The following TNFRSF11B variants were observed in gnomAD, a reference collection of about 807,000 sequenced individuals.
TNFRSF11B encodes tumor necrosis factor receptor superfamily member 11B.
Under a neutral mutation model 43.4 loss-of-function variants are expected in TNFRSF11B, and 16 were observed. The observed-to-expected ratio is 0.37, with a 90% CI of 0.25 to 0.56. TNFRSF11B has a LOEUF of 0.56. Among genes scored for constraint, TNFRSF11B ranks in the 20% least tolerant of loss-of-function variants. The pLI is 0.80. For synonymous variants in TNFRSF11B, 185 were observed against 181.8 expected, an observed-to-expected ratio of 1.02 and a Z score of -0.14; for missense variants, 444 against 490.1, an observed-to-expected ratio of 0.91 and a Z score of 0.89.
At chr8:118,934,652 G>A (rs867624392) in intron 1 of TNFRSF11B, among the ~76,000 whole-genome samples, 4 of 152,172 alleles carry the variant, frequency 2.6e-5, no homozygotes, top group Non-Finnish European at 4.4e-5. Context: ...GGAATCACAC[G>A]CTCAGAAGAA....
intron 1 of TNFRSF11B, among the ~76,000 whole-genome samples, chr8:118,940,406 C>T (rs1812471025): frequency 6.6e-6 from 1 of 152,172 alleles, no homozygotes; most frequent in Non-Finnish European, 1.5e-5. Flanking sequence ...TTAACAAAAG[C>T]ACTTTCAGCT....
At chr8:118,940,879 C>T (rs1214935883) in intron 1 of TNFRSF11B, among the ~76,000 whole-genome samples, 2 of 152,122 alleles carry the variant, frequency 1.3e-5, no homozygotes, top group Non-Finnish European at 2.9e-5. Context: ...GAAAGCTCAG[C>T]CAGAAAATAA....
Position 118,924,777 on chromosome 8 carries a change from A to C in TNFRSF11B, c.818-15T>G, listed in dbSNP as rs770628105. On this transcript the variant is annotated splice_polypyrimidine_tract_variant and intron_variant, in intron 4 of 4. Transcript: ENST00000297350. ...GAGGTCAATATCTGCATAAAGCAAAAGCCCAGATAAGTGTTCACATCATTT... is the reference window on the plus strand; with the variant it reads ...GAGGTCAATATCTGCATAAAGCAAACGCCCAGATAAGTGTTCACATCATTT... 2 of 1,613,996 alleles carry C rather than the reference A, an allele frequency of 1.2e-6. No individual in the cohort carries two copies. The highest frequency in any genetic ancestry group is 2.2e-5 in the South Asian group (2 of 91,076).
chr8:118,926,587 G>C lies in TNFRSF11B; in HGVS notation c.724C>G (p.Arg242Gly). The C allele has an allele frequency of 6.2e-7, 1 of 1,614,072 alleles. No homozygotes were observed. Among genetic ancestry groups the C allele is most frequent in the Non-Finnish European group, 8.5e-7 (1 of 1,180,004 alleles). Residue 242 changes from arginine (R) to glycine (G), a missense_variant, in exon 4 of 5, where the codon CGG (arginine) becomes GGG (glycine). Arg to Gly is a moderately radical substitution (Grantham distance 125). Transcript: ENST00000297350. ...VNAESVERIKRQHSSQEQTFQ... is the reference protein window; with the variant it reads ...VNAESVERIKGQHSSQEQTFQ... ...GTCTGTTCTTGTGAGCTGTGTTGCC[G>C]TTTTATCCTCTCTACACTCTCTGCG... is the stretch of plus-strand genomic sequence containing the variant.
chr8:118,924,362 G>T lies in TNFRSF11B; in HGVS notation c.*12C>A. On this transcript the variant is annotated 3_prime_UTR_variant, in exon 5 of 5. Coordinates refer to ENST00000297350, the MANE Select transcript of TNFRSF11B (RefSeq NM_002546.4). ...GCCAATTGTGAGGAAACAGCTCAATGGCCATTTCCAGTTATAAGCAGCTTA... is the reference window on the plus strand; with the variant it reads ...GCCAATTGTGAGGAAACAGCTCAATTGCCATTTCCAGTTATAAGCAGCTTA... The T allele has an allele frequency of 6.2e-7, 1 of 1,613,638 alleles. No individual in the cohort carries two copies.
intron 2 of TNFRSF11B, chr8:118,930,816 C>G (rs1290569552): frequency 2.4e-6 from 1 of 421,624 alleles, no homozygotes; most frequent in Non-Finnish European, 4.8e-6. Flanking sequence ...GGTAAGTTAG[C>G]TTTTAAAGTT....
chr8:118,943,944 G>A (rs562275886), intron 1 of TNFRSF11B, among the ~76,000 whole-genome samples: 3 of 152,176 alleles, frequency 2.0e-5, no homozygotes, highest in South Asian at 2.1e-4. Context: ...TTGAATTTTC[G>A]AAGTTTCAGC....
chr8:118,932,213 G>A (rs932024942), intron 2 of TNFRSF11B, among the ~76,000 whole-genome samples: 30 of 152,282 alleles, frequency 2.0e-4, no homozygotes, highest in African/African-American at 3.4e-4. Context: ...AGAAAAAAAC[G>A]TGGGTTACTG....
rs971513835 is a variant in TNFRSF11B at position 118,929,221 on chromosome 8, T to C, written c.401-292A>G. The C allele has an allele frequency of 2.0e-5, 9 of 458,090 alleles. No homozygotes were observed. The Admixed American group carries it at 2.5e-4, about 13-fold the overall frequency. 28.4% of individuals were successfully genotyped at this position (458,090 alleles called of 1,614,324 possible). On this transcript the variant is annotated intron_variant, in intron 2 of 4. Transcript: ENST00000297350. ...GAAAGAAGGGTAGGGTGTTCATTAGTCCAGCCTCCGCTGAGTGGCAGTAAG... is the reference window on the plus strand; with the variant it reads ...GAAAGAAGGGTAGGGTGTTCATTAGCCCAGCCTCCGCTGAGTGGCAGTAAG...
intron 1 of TNFRSF11B, among the ~76,000 whole-genome samples, chr8:118,935,590 TATAA>T (rs1812393974): frequency 5.3e-5 from 8 of 152,300 alleles, no homozygotes; most frequent in South Asian, 2.1e-4. Flanking sequence ...TTAATTCTCC[TATAA>T]TATATATAGG....
intron 1 of TNFRSF11B, among the ~76,000 whole-genome samples, chr8:118,940,260 C>A (rs1812466227): frequency 6.6e-6 from 1 of 152,144 alleles, no homozygotes; most frequent in Non-Finnish European, 1.5e-5. Context: ...AGCAAACCAA[C>A]ATGGCGCATG....
At chr8:118,951,038 C>A (rs528854231) in intron 1 of TNFRSF11B, among the ~76,000 whole-genome samples, 1 of 152,198 alleles carries the variant, frequency 6.6e-6, no homozygotes, top group Admixed American at 6.5e-5. Flanking sequence ...TTAACTTGAT[C>A]AAAACCTAAG....
In TNFRSF11B at chr8:118,926,570, TTGTGAGCTG is replaced by T; in HGVS notation, c.732_740del (p.His244_Ser246del). 3 of 1,614,152 alleles carry T rather than the reference TTGTGAGCTG, an allele frequency of 1.9e-6. No homozygotes were observed. Among genetic ancestry groups the T allele is most frequent in the Non-Finnish European group, 2.5e-6 (3 of 1,180,016 alleles). ...ACTTCAGCAGCTGGAAAGTCTGTTCTTGTGAGCTGTGTTGCCGTTTTATCCTCTCTACAC... is the reference window on the plus strand; with the variant it reads ...ACTTCAGCAGCTGGAAAGTCTGTTCTTGTTGCCGTTTTATCCTCTCTACAC... On this transcript the variant is annotated inframe_deletion, in exon 4 of 5. Coordinates refer to ENST00000297350, the MANE Select transcript of TNFRSF11B (RefSeq NM_002546.4).
chr8:118,937,419 C>T (rs1037158634), intron 1 of TNFRSF11B, among the ~76,000 whole-genome samples: 3 of 152,204 alleles, frequency 2.0e-5, no homozygotes, highest in African/African-American at 7.2e-5. Flanking sequence ...TCCATTCCCT[C>T]TGTAAAATCA....
rs1443116532 is a variant in TNFRSF11B at position 118,945,903 on chromosome 8, G to C, written c.30+5889C>G. On this transcript the variant is annotated intron_variant, in intron 1 of 4. Transcript: ENST00000297350. ...GGTGATTATTGAAGAGGCTATTATAGAAAAGGTCCAGTCTGAATTGGAGTA... is the reference window on the plus strand; with the variant it reads ...GGTGATTATTGAAGAGGCTATTATACAAAAGGTCCAGTCTGAATTGGAGTA... Among the ~76,000 whole-genome samples the C allele has an allele frequency of 3.3e-5, 5 of 152,176 alleles. No homozygotes were observed. In the East Asian group the frequency reaches 9.7e-4, roughly 29 times the overall value.
Position 118,951,864 on chromosome 8 carries a change from G to C in TNFRSF11B, c.-43C>G. The stretch of plus-strand genomic sequence containing the variant: ...TCAGGGGCTTGGAGGCGGCGGCTGG[G>C]CGAGCGCTCCGGTGCGTCTCCGCAG... On this transcript the variant is annotated 5_prime_UTR_variant, in exon 1 of 5. Coordinates refer to ENST00000297350, the MANE Select transcript of TNFRSF11B (RefSeq NM_002546.4). 1.3e-6 allele frequency: 2 copies of C among 1,558,934 alleles called. No homozygotes were observed. Among genetic ancestry groups the C allele is most frequent in the Non-Finnish European group, 1.7e-6 (2 of 1,148,800 alleles).
chr8:118,941,470 CA>C (rs1260058222), intron 1 of TNFRSF11B, among the ~76,000 whole-genome samples: 5 of 152,172 alleles, frequency 3.3e-5, no homozygotes, highest in Non-Finnish European at 7.3e-5. Context: ...GTCACTGGGC[CA>C]AATTCCACAC....
At chr8:118,936,735 T>C (rs903081654) in intron 1 of TNFRSF11B, among the ~76,000 whole-genome samples, 10 of 152,178 alleles carry the variant, frequency 6.6e-5, no homozygotes, top group Non-Finnish European at 1.5e-4. Flanking sequence ...AGGTGCTGTC[T>C]GTAGAAGAAG....
intron 1 of TNFRSF11B, among the ~76,000 whole-genome samples, chr8:118,943,604 T>C (rs1272673967): frequency 6.6e-6 from 1 of 152,166 alleles, no homozygotes; most frequent in Non-Finnish European, 1.5e-5. Flanking sequence ...AATTTCCTTA[T>C]CTCTGAGATA....
Sources: gnomAD v4.1 joint callset for allele counts (sites outside exome capture counted in the v4.1 genomes callset) on GRCh38, gnomAD v4.1.1 for gene constraint, MANE v1.5 for transcripts, NCBI Gene and HGNC (gene_info 2026-07-23, HGNC 2026-07-21) for gene names.